The following ABL1 variants were observed in gnomAD, a reference collection of about 807,000 sequenced individuals.
ABL1 encodes ABL proto-oncogene 1, non-receptor tyrosine kinase.
ABL1 carries 11 observed loss-of-function variants against 94.7 expected under a neutral mutation model. The ratio of observed to expected loss-of-function variants is 0.12; its 90% CI spans 0.07 to 0.19. ABL1 has a LOEUF of 0.19. Ranked by LOEUF, ABL1 falls within the 10% of genes least tolerant of loss-of-function variation. The probability of loss-of-function intolerance (pLI) is 1.00; values close to 1 mark genes in which losing one functional copy is unlikely to be tolerated. For missense variants in ABL1, 1,082 were observed against 1,489.4 expected (o/e 0.73, Z 4.50); for synonymous variants, 656 against 622.4 (o/e 1.05, Z -0.80).
At chr9:130,739,102 C>T (rs1221038650) in intron 1 of ABL1, among the ~76,000 whole-genome samples, 4 of 152,108 alleles carry the variant, frequency 2.6e-5, no homozygotes, top group Non-Finnish European at 5.9e-5. Flanking sequence ...CTATGTTGGC[C>T]AGGCTGGTCT....
intron 3 of ABL1, among the ~76,000 whole-genome samples, chr9:130,859,222 G>T (rs997725072): frequency 1.3e-5 from 2 of 152,158 alleles, no homozygotes; most frequent in African/African-American, 4.8e-5. Flanking sequence ...CACGTTCCTC[G>T]ATTCCTTCTA....
chr9:130,855,025 C>T lies in ABL1; in HGVS notation c.478C>T (p.Gln160Ter). 6.2e-7 allele frequency: 1 copy of T among 1,614,182 alleles called. No individual in the cohort carries two copies. Reference sequence around the variant, plus strand: ...GCGTGAGAGTGAGAGCAGTCCTGGCCAGAGGTCCATCTCGCTGAGATACGA... The same window carrying T: ...GCGTGAGAGTGAGAGCAGTCCTGGCTAGAGGTCCATCTCGCTGAGATACGA... ...LVRESESSPG[Q>*]RSISLRYEGR... Residue 160 changes from glutamine (Q) to a stop codon, truncating the protein, a stop_gained, in exon 3 of 11, where the codon CAG becomes TAG. Transcript: ENST00000318560. LOFTEE classifies it high-confidence loss of function.
intron 10 of ABL1, among the ~76,000 whole-genome samples, chr9:130,883,385 T>C (rs1831499458): frequency 6.6e-6 from 1 of 151,842 alleles, no homozygotes; most frequent in East Asian, 1.9e-4. Flanking sequence ...TAGTCCTAGC[T>C]ACTTGGGAGG....
At chr9:130,739,323 T>C (rs1404378951) in intron 1 of ABL1, among the ~76,000 whole-genome samples, 1 of 152,200 alleles carries the variant, frequency 6.6e-6, no homozygotes, top group African/African-American at 2.4e-5. Flanking sequence ...CACTGTCTTA[T>C]TCACAATCAT....
intron 1 of ABL1, among the ~76,000 whole-genome samples, chr9:130,809,381 T>TGAGA (rs370101656): frequency 0.021 from 2,737 of 132,516 alleles, 41 homozygotes; most frequent in South Asian, 0.037. Context: ...TGAAGGTTCT[T>TGAGA]GAGAGAGAGA....
intron 1 of ABL1, among the ~76,000 whole-genome samples, chr9:130,771,486 T>C (rs981138274): frequency 6.6e-6 from 1 of 152,220 alleles, no homozygotes; most frequent in African/African-American, 2.4e-5. Flanking sequence ...TTATGACATA[T>C]TCATGTACAT....
chr9:130,723,517 C>A (rs1831541319), intron 1 of ABL1, among the ~76,000 whole-genome samples: 1 of 152,116 alleles, frequency 6.6e-6, no homozygotes, highest in African/African-American at 2.4e-5. Flanking sequence ...TGTACTCCAG[C>A]CTGTGTGATA....
At chr9:130,824,964 TTG>T (rs1830406124) in intron 1 of ABL1, among the ~76,000 whole-genome samples, 1 of 152,182 alleles carries the variant, frequency 6.6e-6, no homozygotes, top group African/African-American at 2.4e-5. Flanking sequence ...CATTTGTCCT[TTG>T]TGTGTGTTGA....
rs561006201 is a variant in ABL1, at chr9:130,748,001, T to C, written c.136+33546T>C. 2.0e-5 allele frequency among the ~76,000 whole-genome samples: 3 copies of C among 152,320 alleles called. No individual in the cohort carries two copies. In the East Asian group the frequency reaches 5.8e-4, roughly 29 times the overall value. On this transcript the variant is annotated intron_variant, in intron 1 of 10. Transcript: ENST00000372348. ...ACTGTTTTACAGAGTGGCAGTCATT[T>C]CACGTTCCTACCAGCACCCTTGAAC... is the stretch of plus-strand genomic sequence containing the variant.
intron 1 of ABL1, among the ~76,000 whole-genome samples, chr9:130,773,628 C>CTTTT (rs57265547): frequency 9.2e-6 from 1 of 108,988 alleles, no homozygotes; most frequent in Admixed American, 9.7e-5. Context: ...CTGGCTAACT[C>CTTTT]TTTTTTTTTT....
At chr9:130,737,654 C>G (rs1324281495) in intron 1 of ABL1, among the ~76,000 whole-genome samples, 1 of 152,078 alleles carries the variant, frequency 6.6e-6, no homozygotes, top group African/African-American at 2.4e-5. Flanking sequence ...AAGCCACAAG[C>G]AGAGTTTAAA....
chr9:130,885,471 A>C lies in ABL1; in HGVS notation c.3181A>C (p.Lys1061Gln). ...ASHSAVLEAG[K>Q]NLYTFCVSYV... is the part of the protein sequence containing the mutation. ...CCACAGCGCAGTGCTGGAGGCCGGC[A>C]AAAACCTCTACACGTTCTGCGTGAG... Residue 1061 changes from lysine (K) to glutamine (Q), a missense_variant, in exon 11 of 11, where the codon AAA (lysine) becomes CAA (glutamine). Physicochemically the swap from Lys to Gln is moderately conservative, Grantham distance 53 (BLOSUM62 1). Around this residue, in one of 7 missense-constraint regions of ABL1, gnomAD observed 780 missense variants for 835.8 expected, o/e 0.93. Transcript: ENST00000318560. The C allele has an allele frequency of 1.2e-6, 2 of 1,614,102 alleles. No individual in the cohort carries two copies. Among genetic ancestry groups the C allele is most frequent in the South Asian group, 1.1e-5 (1 of 91,086 alleles).
At chr9:130,755,431 C>T (rs1206556447) in intron 1 of ABL1, among the ~76,000 whole-genome samples, 1 of 152,130 alleles carries the variant, frequency 6.6e-6, no homozygotes, top group Non-Finnish European at 1.5e-5. Flanking sequence ...CGACCTGCTT[C>T]AGTAGTAGCA....
chr9:130,887,573 G>C lies in ABL1; in HGVS notation c.*1890G>C, dbSNP rs766193242. The C allele has an allele frequency of 2.1e-5, 5 of 232,680 alleles. No individual in the cohort carries two copies. Among genetic ancestry groups the C allele is most frequent in the Admixed American group, 5.6e-5 (1 of 17,730 alleles). 14.4% of individuals were successfully genotyped at this position (232,680 alleles called of 1,614,324 possible). On this transcript the variant is annotated 3_prime_UTR_variant, in exon 11 of 11. Transcript: ENST00000318560. ...TGGTGGCTCCCCCTCTGCTTCTCGG[G>C]GTCCAGTGCATTTTGTTTCTGTATA...
chr9:130,833,930 G>A (rs1470674125), upstream of ABL1: 6 of 436,804 alleles, frequency 1.4e-5, no homozygotes, highest in African/African-American at 1.2e-4. Context: ...GACAATGCTA[G>A]TTATTTGACC....
At chr9:130,850,650 G>A (rs58199157) in intron 1 of ABL1, among the ~76,000 whole-genome samples, 5,736 of 152,248 alleles carry the variant, frequency 0.038, 376 homozygotes, top group African/African-American at 0.13. Flanking sequence ...GGGGCTACAG[G>A]TGTGCACCAC....
At chr9:130,811,079 G>A (rs1293006645) in intron 1 of ABL1, among the ~76,000 whole-genome samples, 1 of 151,736 alleles carries the variant, frequency 6.6e-6, no homozygotes, top group African/African-American at 2.4e-5. Context: ...AAAAATGAAG[G>A]CAAAATAAGG....
chr9:130,801,844 T>C (rs1224018130), intron 1 of ABL1, among the ~76,000 whole-genome samples: 2 of 152,176 alleles, frequency 1.3e-5, no homozygotes, highest in African/African-American at 2.4e-5. Context: ...TAAGATTTGC[T>C]CTTTATCTTT....
intron 1 of ABL1, among the ~76,000 whole-genome samples, chr9:130,737,299 AC>A (rs1319629609): frequency 6.6e-6 from 1 of 152,172 alleles, no homozygotes; most frequent in Admixed American, 6.5e-5. Flanking sequence ...ATGAAGTCTC[AC>A]TCTGTCTCCC....
Sources: allele counts gnomAD v4.1 joint callset (sites outside exome capture counted in the v4.1 genomes callset), GRCh38; gene constraint gnomAD v4.1.1; regional missense constraint gnomAD v4.1.1; transcripts MANE v1.5; gene names NCBI Gene and HGNC (gene_info 2026-07-23, HGNC 2026-07-21).